PLCB1: variants seen among roughly 807,000 people sequenced by gnomAD.
PLCB1 encodes phospholipase C beta 1, also known as 1-phosphatidylinositol 4,5-bisphosphate phosphodiesterase beta-1.
PLCB1 carries 46 observed loss-of-function variants against 161.8 expected under a neutral mutation model. The ratio of observed to expected loss-of-function variants is 0.28; its 90% CI spans 0.22 to 0.36. The LOEUF is 0.36. PLCB1 is among the 10% of genes least tolerant of loss of function. The pLI, the probability that PLCB1 is intolerant of heterozygous loss-of-function variation, is 1.00. For missense variants in PLCB1, 1,016 were observed against 1,472.5 expected, an observed-to-expected ratio of 0.69 and a Z score of 5.07; for synonymous variants, 517 against 503.7, an observed-to-expected ratio of 1.03 and a Z score of -0.35.
At chr20:8,512,780 T>A (rs1194422206) in intron 3 of PLCB1, among the ~76,000 whole-genome samples, 3 of 152,162 alleles carry the variant, frequency 2.0e-5, no homozygotes, top group Non-Finnish European at 4.4e-5. Flanking sequence ...TTACCTCACG[T>A]ACTTATCATT....
chr20:8,288,500 C>T (rs910942281), intron 2 of PLCB1, among the ~76,000 whole-genome samples: 2 of 152,152 alleles, frequency 1.3e-5, no homozygotes, highest in Admixed American at 6.6e-5. Context: ...GAAGGTCTAG[C>T]CTCAACCTGG....
intron 2 of PLCB1, among the ~76,000 whole-genome samples, chr20:8,184,158 A>G (rs2051876230): frequency 6.6e-6 from 1 of 152,198 alleles, no homozygotes; most frequent in African/African-American, 2.4e-5. Flanking sequence ...GCCTGTGCAT[A>G]TATACACATA....
intron 3 of PLCB1, among the ~76,000 whole-genome samples, chr20:8,519,624 A>C (rs911131154): frequency 6.6e-6 from 1 of 152,154 alleles, no homozygotes; most frequent in Admixed American, 6.5e-5. Flanking sequence ...CCCAGGGTAA[A>C]TAAAGGCAGG....
intron 15 of PLCB1, among the ~76,000 whole-genome samples, chr20:8,722,957 T>C (rs1979730829): frequency 6.6e-6 from 1 of 152,160 alleles, no homozygotes; most frequent in Non-Finnish European, 1.5e-5. Context: ...AATTTGAAGC[T>C]GCAGTGAGCT....
At chr20:8,196,495 A>C (rs760609792) in intron 2 of PLCB1, among the ~76,000 whole-genome samples, 5 of 151,868 alleles carry the variant, frequency 3.3e-5, no homozygotes, top group Non-Finnish European at 5.9e-5. Context: ...TAAAAGCTCA[A>C]CATCTGATTA....
At chr20:8,224,315 A>C (rs1979564422) in intron 2 of PLCB1, among the ~76,000 whole-genome samples, 1 of 152,150 alleles carries the variant, frequency 6.6e-6, no homozygotes, top group African/African-American at 2.4e-5. Flanking sequence ...GAGGGTTAAC[A>C]GTTCAGCACC....
intron 3 of PLCB1, among the ~76,000 whole-genome samples, chr20:8,513,822 C>T (rs1337143870): frequency 1.3e-5 from 2 of 151,590 alleles, no homozygotes; most frequent in Admixed American, 6.6e-5. Context: ...CCAGCCTGGG[C>T]AAAATAGTAA....
chr20:8,136,570 G>C (rs1215400652), intron 1 of PLCB1, among the ~76,000 whole-genome samples: 7 of 151,142 alleles, frequency 4.6e-5, no homozygotes, highest in African/African-American at 1.7e-4. Flanking sequence ...AGCTTGCAGT[G>C]AGCCGAGATC....
At position 8,355,851 on chromosome 20, in the gene PLCB1, A is replaced by T. The variant is rs551070320; in HGVS notation, c.178-15531A>T. On this transcript the variant is annotated intron_variant, in intron 2 of 31. Transcript: ENST00000338037. Reference sequence around the variant, plus strand: ...AAATGGTTTAATAATAATTGCAACAAAAAGTATTTATAAAGCATTCGGGAA... The same window carrying T: ...AAATGGTTTAATAATAATTGCAACATAAAGTATTTATAAAGCATTCGGGAA... 3.9e-5 allele frequency among the ~76,000 whole-genome samples: 6 copies of T among 152,298 alleles called. No homozygotes were observed. The South Asian group carries it at 1.2e-3, about 32-fold the overall frequency.
At chr20:8,733,022 G>A (rs1437585949) in intron 18 of PLCB1, among the ~76,000 whole-genome samples, 1 of 151,788 alleles carries the variant, frequency 6.6e-6, no homozygotes, top group Non-Finnish European at 1.5e-5. Context: ...AAGTGGAAAA[G>A]CAGACTGCAC....
chr20:8,560,177 C>T (rs1487046701), intron 3 of PLCB1, among the ~76,000 whole-genome samples: 2 of 151,996 alleles, frequency 1.3e-5, no homozygotes, highest in African/African-American at 4.8e-5. Context: ...CTAAGACCTG[C>T]ATTTCTAACA....
intron 3 of PLCB1, among the ~76,000 whole-genome samples, chr20:8,608,717 G>A (rs988746445): frequency 2.6e-5 from 4 of 152,176 alleles, no homozygotes; most frequent in Non-Finnish European, 4.4e-5. Flanking sequence ...AACATGCACA[G>A]TGTAGCAACT....
rs114523882 is a variant in PLCB1 at position 8,407,229 on chromosome 20, G to T, written c.246+35779G>T. Among the ~76,000 whole-genome samples the T allele has an allele frequency of 7.6e-3, 1,154 of 152,178 alleles. 24 individuals carry two copies. The highest frequency in any genetic ancestry group is 0.026 in the African/African-American group (1,074 of 41,518). Reference sequence around the variant, plus strand: ...CAGAATAGTCCCAAGTAACTTATGTGGTTAATGCACCCTTGATAGGCTGGA... The same window carrying T: ...CAGAATAGTCCCAAGTAACTTATGTTGTTAATGCACCCTTGATAGGCTGGA... On this transcript the variant is annotated intron_variant, in intron 3 of 31. Transcript: ENST00000338037.
chr20:8,383,139 A>T lies in PLCB1; in HGVS notation c.246+11689A>T, dbSNP rs117738403. On this transcript the variant is annotated intron_variant, in intron 3 of 31. Coordinates refer to ENST00000338037, the MANE Select transcript of PLCB1 (RefSeq NM_015192.4). ...TCTAATATTGACAGTGGGATGTTAA[A>T]GTCTCCAACAAGTATTGTATGGGAA... 2.8e-3 allele frequency among the ~76,000 whole-genome samples: 427 copies of T among 152,316 alleles called. 3 individuals are homozygous for T. Among genetic ancestry groups the T allele is most frequent in the Non-Finnish European group, 4.9e-3 (333 of 68,038 alleles).
At chr20:8,422,236 C>T (rs1000454751) in intron 3 of PLCB1, among the ~76,000 whole-genome samples, 23 of 152,108 alleles carry the variant, frequency 1.5e-4, no homozygotes, top group Admixed American at 5.9e-4. Flanking sequence ...GAAATCAGAG[C>T]GTGACTAACA....
intron 3 of PLCB1, among the ~76,000 whole-genome samples, chr20:8,477,816 A>C (rs116809018): frequency 0.017 from 2,653 of 152,304 alleles, 76 homozygotes; most frequent in African/African-American, 0.06. Flanking sequence ...AAAGATTTGC[A>C]CCCATAATCC....
rs148936543 is a variant in PLCB1, at chr20:8,790,185, C to T, written c.3347C>T (p.Ala1116Val). Residue 1116 changes from alanine to valine, a missense_variant, in exon 31 of 32, where the codon GCG becomes GTG. This residue lies in a region of PLCB1 where 398 missense variants were observed against 445.4 expected (regional missense o/e 0.89). Coordinates refer to ENST00000338037, the MANE Select transcript of PLCB1 (RefSeq NM_015192.4). ...VVQYIKRLEE[A>V]QSKRQEKLVE... ...GTAACTTTCTTATAGCTAGAAGAAG[C>T]GCAAAGTAAACGGCAAGAAAAACTC... The T allele has an allele frequency of 2.8e-4, 445 of 1,608,914 alleles. No individual in the cohort carries two copies. The highest frequency in any genetic ancestry group is 4.1e-4 in the South Asian group (37 of 90,536).
Position 8,628,278 on chromosome 20 carries a change from A to C in PLCB1, c.247-16A>C. 1.2e-6 allele frequency: 2 copies of C among 1,603,022 alleles called. No individual in the cohort carries two copies. The highest frequency in any genetic ancestry group is 1.7e-6 in the Non-Finnish European group (2 of 1,169,946). The stretch of plus-strand genomic sequence containing the variant: ...CTCTAGTTATAGACTAATTATTTTC[A>C]ATATTTATTACCCAGGACCCCAAAT... On this transcript the variant is annotated splice_polypyrimidine_tract_variant and intron_variant, in intron 3 of 31. Coordinates refer to ENST00000338037, the MANE Select transcript of PLCB1 (RefSeq NM_015192.4).
intron 2 of PLCB1, among the ~76,000 whole-genome samples, chr20:8,316,715 G>C (rs1984673189): frequency 6.6e-6 from 1 of 152,060 alleles, no homozygotes; most frequent in Non-Finnish European, 1.5e-5. Context: ...GACAATGAAA[G>C]AGATCAAAAT....
Sources: allele counts gnomAD v4.1 joint callset (sites outside exome capture counted in the v4.1 genomes callset), GRCh38; gene constraint gnomAD v4.1.1; regional missense constraint gnomAD v4.1.1; transcripts MANE v1.5; gene names NCBI Gene and HGNC (gene_info 2026-07-23, HGNC 2026-07-21).